Variants in PTPRD observed in about 807,000 individuals in gnomAD.
The protein encoded by PTPRD is protein tyrosine phosphatase receptor type D, also known as receptor-type tyrosine-protein phosphatase delta.
In PTPRD, 34 loss-of-function variants were observed where a neutral mutation model predicts 214.5. That is an observed-to-expected ratio of 0.16 (90% CI 0.12 to 0.21). The LOEUF (loss-of-function observed/expected upper bound fraction) is 0.21, where lower values mean the gene tolerates loss of function less well. PTPRD is among the 10% of genes least tolerant of loss of function. The pLI is 1.00. For synonymous variants in PTPRD, 1,128 were observed against 845.7 expected (o/e 1.33, Z -5.79); for missense variants, 2,545 against 2,398.7 (o/e 1.06, Z -1.27).
At chr9:10,035,541 T>C (rs1349601308) in intron 3 of PTPRD, among the ~76,000 whole-genome samples, 1 of 152,168 alleles carries the variant, frequency 6.6e-6, no homozygotes, top group Non-Finnish European at 1.5e-5. Context: ...GCCTAGGTTA[T>C]CTTCCAGGGT....
chr9:8,456,664 G>C (rs755417595), intron 33 of PTPRD, among the ~76,000 whole-genome samples: 1 of 152,174 alleles, frequency 6.6e-6, no homozygotes, highest in Non-Finnish European at 1.5e-5. Context: ...AGCTTGCAGA[G>C]AGCCAGTGTT....
intron 2 of PTPRD, among the ~76,000 whole-genome samples, chr9:10,506,672 C>A (rs1254024108): frequency 6.6e-6 from 1 of 152,058 alleles, no homozygotes; most frequent in African/African-American, 2.4e-5. Context: ...CAGACTACTA[C>A]AATCTATTTA....
intron 8 of PTPRD, among the ~76,000 whole-genome samples, chr9:9,476,005 G>C (rs576156355): frequency 1.3e-5 from 2 of 152,180 alleles, no homozygotes; most frequent in South Asian, 4.2e-4. Flanking sequence ...GAAAAGAAAA[G>C]TCTCATAGAC....
At chr9:8,436,545 A>T in intron 35 of PTPRD, 47 bp downstream of exon 35, 1 of 1,416,540 alleles carries the variant, frequency 7.1e-7, no homozygotes. Flanking sequence ...AAAAAAAGAG[A>T]AGAGTAACTC....
intron 9 of PTPRD, among the ~76,000 whole-genome samples, chr9:9,208,528 A>T (rs2099946457): frequency 6.6e-6 from 1 of 152,068 alleles, no homozygotes; most frequent in South Asian, 2.1e-4. Flanking sequence ...TTACTTTGTG[A>T]CTATGTTAAT....
chr9:8,656,489 T>C lies in PTPRD; in HGVS notation c.65-19645A>G, dbSNP rs1002755540. Reference sequence around the variant, plus strand: ...GGCCAGAAGTAGATTTACCTTGACCTTAGGAAGCTTCAGCTTCAGGACCCT... The same window carrying C: ...GGCCAGAAGTAGATTTACCTTGACCCTAGGAAGCTTCAGCTTCAGGACCCT... On this transcript the variant is annotated intron_variant, in intron 12 of 45. Transcript: ENST00000381196. Among the ~76,000 whole-genome samples, 3 of 152,154 alleles carry C rather than the reference T, an allele frequency of 2.0e-5. No individual in the cohort carries two copies. The East Asian group carries it at 5.8e-4, about 29-fold the overall frequency.
At chr9:9,134,592 C>T (rs539086549) in intron 10 of PTPRD, among the ~76,000 whole-genome samples, 13 of 152,202 alleles carry the variant, frequency 8.5e-5, no homozygotes, top group African/African-American at 2.4e-5. Flanking sequence ...TCCAAATTAT[C>T]GAGAGTAAAA....
At chr9:9,158,991 A>G (rs559495609) in intron 10 of PTPRD, among the ~76,000 whole-genome samples, 1 of 152,268 alleles carries the variant, frequency 6.6e-6, no homozygotes, top group African/African-American at 2.4e-5. Flanking sequence ...TGGAAAAAGC[A>G]TTTGACAAAA....
At chr9:9,589,543 A>C (rs561537465) in intron 7 of PTPRD, among the ~76,000 whole-genome samples, 1 of 152,180 alleles carries the variant, frequency 6.6e-6, no homozygotes, top group South Asian at 2.1e-4. Context: ...CTATGGCAAC[A>C]ATCAGTACAC....
chr9:9,274,303 C>G (rs1319212316), intron 9 of PTPRD, among the ~76,000 whole-genome samples: 1 of 151,276 alleles, frequency 6.6e-6, no homozygotes, highest in Non-Finnish European at 1.5e-5. Flanking sequence ...ATATGCTTTA[C>G]GCTTATGTTT....
intron 11 of PTPRD, among the ~76,000 whole-genome samples, chr9:8,822,363 G>A (rs2097087657): frequency 6.9e-6 from 1 of 144,508 alleles, no homozygotes; most frequent in South Asian, 2.2e-4. Flanking sequence ...TATAAGAACT[G>A]GAAATAAAAT....
At chr9:10,588,135 T>A (rs2074401445) in intron 2 of PTPRD, among the ~76,000 whole-genome samples, 1 of 152,046 alleles carries the variant, frequency 6.6e-6, no homozygotes, top group Non-Finnish European at 1.5e-5. Context: ...AGTCCCATAA[T>A]AATAACTTGT....
chr9:9,815,997 A>C (rs1314364226), intron 5 of PTPRD, among the ~76,000 whole-genome samples: 1 of 152,186 alleles, frequency 6.6e-6, no homozygotes, highest in East Asian at 1.9e-4. Flanking sequence ...GAAAGTACAC[A>C]CTGAAGAAAG....
intron 5 of PTPRD, among the ~76,000 whole-genome samples, chr9:9,816,852 G>A (rs1237589457): frequency 6.6e-6 from 1 of 151,448 alleles, no homozygotes; most frequent in African/African-American, 2.4e-5. Context: ...TGCATGAAAT[G>A]TTAATCACCA....
At chr9:9,796,678 C>G (rs1270969367) in intron 5 of PTPRD, among the ~76,000 whole-genome samples, 1 of 151,956 alleles carries the variant, frequency 6.6e-6, no homozygotes, top group Non-Finnish European at 1.5e-5. Context: ...TAGGCAAGAA[C>G]TAGTAGAAAG....
intron 34 of PTPRD, among the ~76,000 whole-genome samples, chr9:8,443,534 T>C (rs1165524511): frequency 5.3e-5 from 8 of 152,204 alleles, no homozygotes; most frequent in Admixed American, 5.2e-4. Context: ...CTACCATCCA[T>C]GTATGCTTTA....
chr9:9,122,500 T>C (rs1006140916), intron 10 of PTPRD, among the ~76,000 whole-genome samples: 1 of 152,164 alleles, frequency 6.6e-6, no homozygotes, highest in East Asian at 1.9e-4. Context: ...TTTTTTTCCT[T>C]TTTAGTCAGA....
chr9:10,167,819 G>C (rs1004649131), intron 3 of PTPRD, among the ~76,000 whole-genome samples: 2 of 151,892 alleles, frequency 1.3e-5, no homozygotes, highest in Non-Finnish European at 2.9e-5. Context: ...TGTAAGAGTT[G>C]ATACTGTGTG....
intron 42 of PTPRD, 89 bp downstream of exon 42, chr9:8,340,254 G>A: frequency 7.1e-7 from 1 of 1,402,018 alleles, no homozygotes; most frequent in Non-Finnish European, 9.5e-7. Flanking sequence ...CAAAAAAAAT[G>A]ATCTAGCACA....
Sources: allele counts gnomAD v4.1 joint callset (sites outside exome capture counted in the v4.1 genomes callset), GRCh38; gene constraint gnomAD v4.1.1; transcripts MANE v1.5; gene names NCBI Gene and HGNC (gene_info 2026-07-23, HGNC 2026-07-21).